Variants in IMMP2L observed in about 807,000 individuals in gnomAD.
IMMP2L encodes mitochondrial inner membrane protease subunit 2.
A neutral mutation model predicts 19.3 loss-of-function variants in IMMP2L; 18 were observed. The ratio of observed to expected loss-of-function variants is 0.93; its 90% CI spans 0.64 to 1.38. The LOEUF (loss-of-function observed/expected upper bound fraction) is 1.38, where lower values mean the gene tolerates loss of function less well. Among genes scored for constraint, IMMP2L ranks in the 40% most tolerant of loss-of-function variants. IMMP2L has a pLI of 0.00. For missense variants in IMMP2L, 233 were observed against 218.2 expected (o/e 1.07, Z -0.43); for synonymous variants, 76 against 73.0 (o/e 1.04, Z -0.21).
intron 3 of IMMP2L, among the ~76,000 whole-genome samples, chr7:110,966,972 A>C (rs1819605712): frequency 6.6e-6 from 1 of 152,118 alleles, no homozygotes; most frequent in Non-Finnish European, 1.5e-5. Flanking sequence ...TAAATACTAA[A>C]ATTTACATTT....
At chr7:110,784,701 T>C (rs10266692) in intron 5 of IMMP2L, among the ~76,000 whole-genome samples, 35,400 of 151,804 alleles carry the variant, frequency 0.23, 4,832 homozygotes, top group African/African-American at 0.37. Flanking sequence ...TAGCTGCACA[T>C]TGAAATCACT....
intron 3 of IMMP2L, among the ~76,000 whole-genome samples, chr7:111,084,378 G>A (rs1013225584): frequency 6.6e-6 from 1 of 151,556 alleles, no homozygotes; most frequent in African/African-American, 2.4e-5. Flanking sequence ...CTTTAGACAC[G>A]TAGAGTACAG....
chr7:111,350,730 T>G (rs1749115804), intron 3 of IMMP2L, among the ~76,000 whole-genome samples: 1 of 152,074 alleles, frequency 6.6e-6, no homozygotes, highest in Non-Finnish European at 1.5e-5. Context: ...TAACACCTCT[T>G]CCAAAAATAA....
intron 4 of IMMP2L, among the ~76,000 whole-genome samples, chr7:110,923,181 G>T (rs1814489799): frequency 1.3e-5 from 2 of 152,112 alleles, no homozygotes; most frequent in African/African-American, 4.8e-5. Context: ...TCATGAATCA[G>T]CTTTCAGTGA....
Position 111,451,612 on chromosome 7 carries a change from A to G in IMMP2L, c.239+35626T>C, listed in dbSNP as rs1384244000. Among the ~76,000 whole-genome samples, 6 of 149,528 alleles carry G rather than the reference A, an allele frequency of 4.0e-5. No individual in the cohort carries two copies. In the South Asian group the frequency reaches 1.1e-3, roughly 27 times the overall value. On this transcript the variant is annotated intron_variant, in intron 3 of 5. Coordinates refer to ENST00000405709, the MANE Select transcript of IMMP2L (RefSeq NM_032549.4). ...AGCATTGGGAGATATACCTAATGCTAGATGACGAGTTAGGGGGTGCAGCGC... is the reference window on the plus strand; with the variant it reads ...AGCATTGGGAGATATACCTAATGCTGGATGACGAGTTAGGGGGTGCAGCGC...
chr7:110,932,045 C>G (rs1028310889), intron 4 of IMMP2L, among the ~76,000 whole-genome samples: 2 of 152,150 alleles, frequency 1.3e-5, no homozygotes, highest in African/African-American at 4.8e-5. Context: ...CAGTCAATGG[C>G]TAGCCCCACA....
At chr7:110,978,780 T>C (rs1484295605) in intron 3 of IMMP2L, among the ~76,000 whole-genome samples, 2 of 152,166 alleles carry the variant, frequency 1.3e-5, no homozygotes, top group East Asian at 1.9e-4. Context: ...AAAATCCCTA[T>C]AGAACCTCCA....
At chr7:111,392,759 T>C (rs753147935) in intron 3 of IMMP2L, 8 of 456,466 alleles carry the variant, frequency 1.8e-5, no homozygotes, top group African/African-American at 1.6e-4. Flanking sequence ...GGTTCAGTAA[T>C]TTGCTAGAGT....
At chr7:111,454,099 C>G (rs1839467776) in intron 3 of IMMP2L, among the ~76,000 whole-genome samples, 1 of 152,078 alleles carries the variant, frequency 6.6e-6, no homozygotes, top group South Asian at 2.1e-4. Context: ...GAATTGAAAC[C>G]ATATAAAAAA....
At chr7:111,010,161 T>C (rs888496834) in intron 3 of IMMP2L, among the ~76,000 whole-genome samples, 5 of 152,164 alleles carry the variant, frequency 3.3e-5, no homozygotes, top group African/African-American at 9.6e-5. Flanking sequence ...AGGTAACATT[T>C]TGTAGACTAC....
chr7:111,056,853 A>T (rs1238055132), intron 3 of IMMP2L, among the ~76,000 whole-genome samples: 1 of 152,102 alleles, frequency 6.6e-6, no homozygotes, highest in Non-Finnish European at 1.5e-5. Flanking sequence ...TAGGCTGAGG[A>T]GGAGGAAGAG....
chr7:111,422,929 G>C (rs867552768), intron 3 of IMMP2L, among the ~76,000 whole-genome samples: 1 of 151,750 alleles, frequency 6.6e-6, no homozygotes, highest in African/African-American at 2.4e-5. Flanking sequence ...TAGCATGAAG[G>C]GGTGTTGAAT....
At chr7:111,274,955 T>C (rs1050343659) in intron 3 of IMMP2L, among the ~76,000 whole-genome samples, 1 of 152,178 alleles carries the variant, frequency 6.6e-6, no homozygotes, top group Non-Finnish European at 1.5e-5. Flanking sequence ...TCTGTCTGCT[T>C]GACATCTTCC....
intron 3 of IMMP2L, among the ~76,000 whole-genome samples, chr7:111,151,616 A>C (rs1052381441): frequency 2.6e-5 from 4 of 152,202 alleles, no homozygotes; most frequent in African/African-American, 9.7e-5. Context: ...GTAAAAAATA[A>C]ACATAACATT....
chr7:110,957,080 T>A (rs1818428938), intron 4 of IMMP2L, among the ~76,000 whole-genome samples: 1 of 151,958 alleles, frequency 6.6e-6, no homozygotes, highest in Non-Finnish European at 1.5e-5. Context: ...CCCATTTGGG[T>A]CCACATTATG....
chr7:111,542,147 T>C (rs1848554819), intron 1 of IMMP2L, among the ~76,000 whole-genome samples: 1 of 152,116 alleles, frequency 6.6e-6, no homozygotes, highest in Admixed American at 6.5e-5. Flanking sequence ...AGGTTTTGTT[T>C]CATTTTTAAT....
At chr7:110,853,826 T>C (rs799652) in intron 5 of IMMP2L, among the ~76,000 whole-genome samples, 72,158 of 151,308 alleles carry the variant, frequency 0.48, 17,778 homozygotes, top group East Asian at 0.8. Context: ...CAAGGCAAAA[T>C]AGTCAATACT....
intron 4 of IMMP2L, among the ~76,000 whole-genome samples, chr7:110,937,680 C>A (rs1384304560): frequency 6.6e-6 from 1 of 152,146 alleles, no homozygotes; most frequent in African/African-American, 2.4e-5. Context: ...ACTCATTATA[C>A]TTCGCAAAGC....
chr7:110,901,985 T>C (rs895517551), intron 4 of IMMP2L, among the ~76,000 whole-genome samples: 39 of 152,136 alleles, frequency 2.6e-4, no homozygotes, highest in African/African-American at 9.4e-4. Context: ...TATAAGACTA[T>C]ATGAAAGATA....
Sources: allele counts gnomAD v4.1 joint callset (sites outside exome capture counted in the v4.1 genomes callset), GRCh38; gene constraint gnomAD v4.1.1; transcripts MANE v1.5; gene names NCBI Gene and HGNC (gene_info 2026-07-23, HGNC 2026-07-21).